Variants in IQCM observed in about 807,000 individuals in gnomAD.
IQCM encodes IQ domain-containing protein M.
IQCM carries 45 observed loss-of-function variants against 57.6 expected under a neutral mutation model. That is an observed-to-expected ratio of 0.78 (90% CI 0.62 to 1.00). The LOEUF (loss-of-function observed/expected upper bound fraction) is 1.00. Among genes scored for constraint, IQCM ranks in the 50% least tolerant of loss-of-function variants. IQCM has a pLI of 0.00. For missense variants in IQCM, 468 were observed against 511.6 expected (o/e 0.91, Z 0.82); for synonymous variants, 148 against 158.9 (o/e 0.93, Z 0.51).
intron 12 of IQCM, among the ~76,000 whole-genome samples, chr4:149,451,136 A>G (rs1180046822): frequency 1.3e-5 from 2 of 151,772 alleles, no homozygotes; most frequent in African/African-American, 4.8e-5. Context: ...CTAAAAATCA[A>G]ATAATTGAAC....
At chr4:149,658,037 T>C (rs138674037) in intron 7 of IQCM, among the ~76,000 whole-genome samples, 1 of 148,640 alleles carries the variant, frequency 6.7e-6, no homozygotes, top group Admixed American at 6.7e-5. Context: ...TCATATTTGG[T>C]TTTTTTTTGC....
intron 8 of IQCM, among the ~76,000 whole-genome samples, chr4:149,618,583 C>T (rs945728333): frequency 2.0e-5 from 3 of 152,056 alleles, no homozygotes; most frequent in African/African-American, 7.2e-5. Flanking sequence ...GGGAGAAAAT[C>T]CTTACAAACA....
intron 7 of IQCM, among the ~76,000 whole-genome samples, chr4:149,628,404 T>C (rs1756991274): frequency 6.6e-6 from 1 of 152,086 alleles, no homozygotes; most frequent in Non-Finnish European, 1.5e-5. Flanking sequence ...AAAAATGTAA[T>C]GGCAGAATAA....
At chr4:149,515,604 T>G (rs1455394696) in intron 12 of IQCM, among the ~76,000 whole-genome samples, 1 of 152,130 alleles carries the variant, frequency 6.6e-6, no homozygotes, top group Non-Finnish European at 1.5e-5. Flanking sequence ...AGTGGACAGG[T>G]GCAGCACTAC....
chr4:149,698,530 T>C (rs973584028), intron 5 of IQCM, among the ~76,000 whole-genome samples: 3 of 152,094 alleles, frequency 2.0e-5, no homozygotes, highest in Non-Finnish European at 4.4e-5. Flanking sequence ...GTCAGTGCAA[T>C]TTAACTTCAC....
At chr4:149,456,469 T>C (rs1737712250) in intron 12 of IQCM, among the ~76,000 whole-genome samples, 1 of 152,122 alleles carries the variant, frequency 6.6e-6, no homozygotes, top group Non-Finnish European at 1.5e-5. Context: ...TAATACACAA[T>C]GTATACACAT....
intron 12 of IQCM, among the ~76,000 whole-genome samples, chr4:149,504,367 A>C (rs562213321): frequency 1.3e-5 from 2 of 152,322 alleles, no homozygotes; most frequent in African/African-American, 2.4e-5. Context: ...TTCACTTAAT[A>C]AATATTTACT....
chr4:149,499,292 T>C (rs1742996833), intron 12 of IQCM, among the ~76,000 whole-genome samples: 1 of 152,166 alleles, frequency 6.6e-6, no homozygotes, highest in South Asian at 2.1e-4. Context: ...AAAATATACA[T>C]GCATGTGCAT....
intron 8 of IQCM, among the ~76,000 whole-genome samples, chr4:149,606,888 A>G (rs1013429649): frequency 2.0e-5 from 3 of 152,120 alleles, no homozygotes; most frequent in East Asian, 3.9e-4. Flanking sequence ...AAAAAATACA[A>G]TGAAGCACAC....
At chr4:149,789,356 G>C (rs2150025968) in intron 2 of IQCM, among the ~76,000 whole-genome samples, 1 of 152,182 alleles carries the variant, frequency 6.6e-6, no homozygotes, top group East Asian at 1.9e-4. Flanking sequence ...CAAGGATCAG[G>C]CCACACAGCA....
At chr4:149,594,398 A>T (rs951546828) in intron 8 of IQCM, among the ~76,000 whole-genome samples, 1 of 152,052 alleles carries the variant, frequency 6.6e-6, no homozygotes, top group African/African-American at 2.4e-5. Context: ...TGATCTTTTC[A>T]AAAAACCAGC....
At chr4:149,683,953 C>T (rs1333923245) in intron 6 of IQCM, among the ~76,000 whole-genome samples, 2 of 151,260 alleles carry the variant, frequency 1.3e-5, no homozygotes, top group African/African-American at 4.8e-5. Context: ...ACAGGAAACT[C>T]ACTGATCACA....
At chr4:149,745,299 CA>C in intron 2 of IQCM, among the ~76,000 whole-genome samples, 1 of 152,284 alleles carries the variant, frequency 6.6e-6, no homozygotes, top group Non-Finnish European at 1.5e-5. Flanking sequence ...AGTTTTTGAA[CA>C]GGGCATTGAC....
intron 13 of IQCM, among the ~76,000 whole-genome samples, chr4:149,406,569 T>A (rs944435634): frequency 3.3e-5 from 5 of 152,086 alleles, no homozygotes; most frequent in African/African-American, 4.8e-5. Context: ...CAGGTCCTAG[T>A]AAGGACTTTA....
At chr4:149,802,949 T>G (rs796341970) in intron 2 of IQCM, among the ~76,000 whole-genome samples, 2 of 151,942 alleles carry the variant, frequency 1.3e-5, no homozygotes, top group Non-Finnish European at 2.9e-5. Context: ...TCAGGAACAA[T>G]CCTAAAAATT....
At chr4:149,584,096 A>T (rs1752451708) in intron 9 of IQCM, among the ~76,000 whole-genome samples, 1 of 151,582 alleles carries the variant, frequency 6.6e-6, no homozygotes, top group African/African-American at 2.4e-5. Flanking sequence ...GGTTAGAGGT[A>T]TTTAATTTTT....
chr4:149,369,823 C>T lies in IQCM; in HGVS notation c.1391-17757G>A, dbSNP rs965546149. On this transcript the variant is annotated intron_variant, in intron 13 of 13. Coordinates refer to ENST00000636793, the MANE Select transcript of IQCM (RefSeq NM_001363507.2). ...TAGATAGCAACATTTAATAGACAAA[C>T]TTTGCAAAGCAATATCTCACCAGAA... is the stretch of plus-strand genomic sequence containing the variant. Among the ~76,000 whole-genome samples, 3 of 152,128 alleles carry T rather than the reference C, an allele frequency of 2.0e-5. No individual in the cohort carries two copies. In the South Asian group the frequency reaches 6.2e-4, roughly 32 times the overall value.
chr4:149,638,903 TGCC>T (rs1757947742), intron 7 of IQCM, among the ~76,000 whole-genome samples: 2 of 35,924 alleles, frequency 5.6e-5, no homozygotes, highest in South Asian at 2.2e-3. Context: ...GGTTTAGTTT[TGCC>T]TGCTTCTAAG....
intron 12 of IQCM, among the ~76,000 whole-genome samples, chr4:149,435,660 C>A (rs1735291046): frequency 1.3e-5 from 2 of 151,526 alleles, no homozygotes; most frequent in Non-Finnish European, 2.9e-5. Context: ...GAGATGGCAG[C>A]TTCATGCTGC....
Sources: gnomAD v4.1 joint callset for allele counts (sites outside exome capture counted in the v4.1 genomes callset) on GRCh38, gnomAD v4.1.1 for gene constraint, MANE v1.5 for transcripts, NCBI Gene and HGNC (gene_info 2026-07-23, HGNC 2026-07-21) for gene names.